Variants in ATRNL1 observed in about 807,000 individuals in gnomAD.
ATRNL1 encodes the protein attractin-like protein 1.
In ATRNL1, 95 loss-of-function variants were observed where a neutral mutation model predicts 182.7. That is an observed-to-expected ratio of 0.52 (90% CI 0.44 to 0.62). ATRNL1 has a LOEUF of 0.62. Among genes scored for constraint, ATRNL1 ranks in the 20% least tolerant of loss-of-function variants. The pLI, the probability that ATRNL1 is intolerant of heterozygous loss-of-function variation, is 0.00. For synonymous variants in ATRNL1, 576 were observed against 568.3 expected (o/e 1.01, Z -0.19); for missense variants, 1,471 against 1,679.5 (o/e 0.88, Z 2.17).
At chr10:115,757,457 T>C (rs1948619605) in intron 27 of ATRNL1, among the ~76,000 whole-genome samples, 1 of 152,208 alleles carries the variant, frequency 6.6e-6, no homozygotes, top group African/African-American at 2.4e-5. Flanking sequence ...GGCTGAAAAT[T>C]CTTTTCTTTA....
At chr10:115,908,461 A>C (rs1257640817) in intron 28 of ATRNL1, among the ~76,000 whole-genome samples, 1 of 151,928 alleles carries the variant, frequency 6.6e-6, no homozygotes, top group African/African-American at 2.4e-5. Context: ...CTCACCCTGC[A>C]CCCCTCTGAC....
At chr10:115,555,807 G>T (rs1853280059) in intron 26 of ATRNL1, among the ~76,000 whole-genome samples, 1 of 151,954 alleles carries the variant, frequency 6.6e-6, no homozygotes, top group Non-Finnish European at 1.5e-5. Flanking sequence ...TGTGTTATTT[G>T]ATAACTATAA....
At chr10:115,277,898 C>A (rs1554915341) in intron 13 of ATRNL1, among the ~76,000 whole-genome samples, 1 of 152,060 alleles carries the variant, frequency 6.6e-6, no homozygotes, top group Non-Finnish European at 1.5e-5. Context: ...TTTGCAGATT[C>A]TTTGAAGCCT....
At chr10:115,497,053 A>AT (rs1193597467) in intron 24 of ATRNL1, among the ~76,000 whole-genome samples, 51 of 152,074 alleles carry the variant, frequency 3.4e-4, no homozygotes, top group African/African-American at 1.2e-3. Context: ...GGATTTGTTC[A>AT]TTTTTTTAAT....
At position 115,312,476 on chromosome 10, in the gene ATRNL1, TATTAGTCTG is replaced by T. The variant is rs572201926; in HGVS notation, c.2819-3039_2819-3031del. ...GTAAGGTTTCTGCTGAGAAGTCTGC[TATTAGTCTG>T]ATAAGTTTTTCTTTATAGATTATCT... is the stretch of plus-strand genomic sequence containing the variant. On this transcript the variant is annotated intron_variant, in intron 17 of 28. Coordinates refer to ENST00000355044, the MANE Select transcript of ATRNL1 (RefSeq NM_207303.4). 6.8e-4 allele frequency among the ~76,000 whole-genome samples: 104 copies of T among 152,346 alleles called. 1 individual carries two copies. The South Asian group carries it at 0.021, about 31-fold the overall frequency.
chr10:115,931,523 T>C (rs894568254), intron 28 of ATRNL1, among the ~76,000 whole-genome samples: 2 of 152,252 alleles, frequency 1.3e-5, no homozygotes, highest in East Asian at 3.9e-4. Context: ...GAAAACTCTT[T>C]ACAGAACACA....
intron 24 of ATRNL1, among the ~76,000 whole-genome samples, chr10:115,484,645 C>T (rs1183331843): frequency 5.3e-5 from 8 of 151,560 alleles, no homozygotes; most frequent in African/African-American, 1.7e-4. Flanking sequence ...TATATTTATT[C>T]TTATAGTATT....
intron 28 of ATRNL1, among the ~76,000 whole-genome samples, chr10:115,859,324 A>G (rs1247004889): frequency 6.6e-6 from 1 of 152,036 alleles, no homozygotes; most frequent in African/African-American, 2.4e-5. Context: ...TCTCTCAAGC[A>G]GGGAGCGAGA....
chr10:115,568,914 T>C (rs1226014801), intron 26 of ATRNL1, among the ~76,000 whole-genome samples: 1 of 152,084 alleles, frequency 6.6e-6, no homozygotes, highest in Admixed American at 6.6e-5. Context: ...AATATCAACA[T>C]ATGCAAATGT....
At position 115,274,152 on chromosome 10, in the gene ATRNL1, G is replaced by C. The variant is rs1215738077; in HGVS notation, c.2100+5708G>C. On this transcript the variant is annotated intron_variant, in intron 13 of 28. Coordinates refer to ENST00000355044, the MANE Select transcript of ATRNL1 (RefSeq NM_207303.4). ...TGCCAAAGGCTCCAAACAGCATCCT[G>C]TCTGCCACTGATATTTCACGTACCA... is the stretch of plus-strand genomic sequence containing the variant. Among the ~76,000 whole-genome samples, 5 of 152,326 alleles carry C rather than the reference G, an allele frequency of 3.3e-5. No individual in the cohort carries two copies. The South Asian group carries it at 6.2e-4, about 19-fold the overall frequency.
At chr10:115,684,358 T>A (rs1946150033) in intron 26 of ATRNL1, among the ~76,000 whole-genome samples, 1 of 151,338 alleles carries the variant, frequency 6.6e-6, no homozygotes, top group African/African-American at 2.4e-5. Context: ...TTTCTCTGTG[T>A]GTCTAATGAT....
chr10:115,937,602 C>T (rs1163033879), intron 28 of ATRNL1, among the ~76,000 whole-genome samples: 1 of 152,194 alleles, frequency 6.6e-6, no homozygotes, highest in African/African-American at 2.4e-5. Context: ...ATTAAGTCTG[C>T]ACAATAGTTA....
At chr10:115,209,661 C>T (rs1302081463) in intron 8 of ATRNL1, among the ~76,000 whole-genome samples, 1 of 151,512 alleles carries the variant, frequency 6.6e-6, no homozygotes, top group South Asian at 2.1e-4. Flanking sequence ...TATGATAAAG[C>T]ACACTACCAA....
At chr10:115,139,252 A>T (rs973158470) in intron 5 of ATRNL1, among the ~76,000 whole-genome samples, 1 of 151,992 alleles carries the variant, frequency 6.6e-6, no homozygotes, top group Non-Finnish European at 1.5e-5. Flanking sequence ...AAGCGTTTCA[A>T]CCTCTGCCTG....
At chr10:115,279,256 T>G (rs1852248338) in intron 13 of ATRNL1, among the ~76,000 whole-genome samples, 1 of 151,470 alleles carries the variant, frequency 6.6e-6, no homozygotes, top group African/African-American at 2.4e-5. Flanking sequence ...TATGGCATAC[T>G]AAGGAGACTA....
chr10:115,762,520 A>G (rs1159430423), intron 27 of ATRNL1, among the ~76,000 whole-genome samples: 2 of 152,194 alleles, frequency 1.3e-5, no homozygotes, highest in African/African-American at 4.8e-5. Flanking sequence ...GTATTTAAAA[A>G]ATAATCAGTA....
intron 7 of ATRNL1, among the ~76,000 whole-genome samples, chr10:115,168,896 A>G (rs1299721834): frequency 6.6e-6 from 1 of 151,704 alleles, no homozygotes; most frequent in Non-Finnish European, 1.5e-5. Context: ...ATCTCAGGTC[A>G]TAAAGACTTA....
At chr10:115,265,372 C>CCAATGATAA in intron 11 of ATRNL1, 95 bp downstream of exon 11, 1 of 734,912 alleles carries the variant, frequency 1.4e-6, no homozygotes, top group Non-Finnish European at 2.2e-6. Context: ...ATCATTGGTA[C>CCAATGATAA]TTAATGGTAT....
chr10:115,772,593 C>CTGTGTGTGTGTGTGTGTGTGTGTG (rs71475107), intron 27 of ATRNL1, among the ~76,000 whole-genome samples: 2 of 125,670 alleles, frequency 1.6e-5, no homozygotes, highest in East Asian at 4.4e-4. Flanking sequence ...AATATATACT[C>CTGTGTGTGTGTGTGTGTGTGTGTG]TGTCTGTGTG....
Sources: gnomAD v4.1 joint callset for allele counts (sites outside exome capture counted in the v4.1 genomes callset) on GRCh38, gnomAD v4.1.1 for gene constraint, MANE v1.5 for transcripts, NCBI Gene and HGNC (gene_info 2026-07-23, HGNC 2026-07-21) for gene names.